SPTBN4: variants seen among roughly 807,000 people sequenced by gnomAD.
SPTBN4 encodes the protein spectrin beta, non-erythrocytic 4.
Under a neutral mutation model 277.8 loss-of-function variants are expected in SPTBN4, and 96 were observed. The observed-to-expected ratio is 0.35, with a 90% confidence interval of 0.29 to 0.41. The LOEUF (loss-of-function observed/expected upper bound fraction) is 0.41. Ranked by LOEUF, SPTBN4 falls within the 10% of genes least tolerant of loss-of-function variation. The pLI is 1.00. For missense variants in SPTBN4, 3,006 were observed against 3,595.7 expected (o/e 0.84, Z 4.19); for synonymous variants, 1,481 against 1,580.3 (o/e 0.94, Z 1.49).
intron 5 of SPTBN4, 25 bp downstream of exon 5, chr19:40,493,079 A>T (rs1252807980): frequency 6.2e-7 from 1 of 1,611,230 alleles, no homozygotes; most frequent in African/African-American, 1.3e-5. Flanking sequence ...CACCTTCCTT[A>T]GGAGGTTAGG....
intron 33 of SPTBN4, 139 bp from the exon 34 acceptor site, chr19:40,571,880 A>C (rs1437097425): frequency 3.3e-6 from 3 of 920,214 alleles, no homozygotes; most frequent in Non-Finnish European, 4.7e-6. Context: ...AGAGCATTTT[A>C]GGTCCAACTA....
At chr19:40,497,937 A>G in intron 7 of SPTBN4, among the ~76,000 whole-genome samples, 1 of 145,998 alleles carries the variant, frequency 6.8e-6, no homozygotes, top group Non-Finnish European at 1.5e-5. Context: ...CCACTAAACC[A>G]ACTCCCACTC....
rs146532855 is a variant in SPTBN4, at chr19:40,557,324, C to A, written c.5591C>A (p.Pro1864His). The A allele has an allele frequency of 5.9e-4, 946 of 1,613,206 alleles. 1 individual carries two copies. Among genetic ancestry groups the A allele is most frequent in the Non-Finnish European group, 7.7e-4 (906 of 1,179,742 alleles). The stretch of plus-strand genomic sequence containing the variant: ...CGGCTGCCCCGCCTGACCACCCCGC[C>A]TGAGCCGAGACCCAGTGCCAGTTCC... ...RRRLPRLTTP[P>H]EPRPSASSMQ... is the part of the protein sequence containing the mutation. The change falls in exon 26 of 36, where the codon CCT becomes CAT. Residue 1864 changes from proline (P) to histidine (H), a missense_variant. This residue lies in a region of SPTBN4 where 425 missense variants were observed against 594.7 expected (regional missense o/e 0.71). Transcript: ENST00000598249.
rs1599759690 is a variant in SPTBN4 at position 40,520,087 on chromosome 19, A to C, written c.3590A>C (p.Gln1197Pro). 6.7e-7 allele frequency: 1 copy of C among 1,493,388 alleles called. No individual in the cohort carries two copies. The highest frequency in any genetic ancestry group is 8.9e-7 in the Non-Finnish European group (1 of 1,125,440). The allele number at this position is 1,493,388 out of a possible 1,614,324, so 92.5% of individuals were successfully genotyped here. The change falls in exon 16 of 36, where the codon CAG (glutamine) becomes CCG (proline). Residue 1197 changes from glutamine to proline, a missense_variant. This residue lies in a region of SPTBN4 where 1,759 missense variants were observed against 2,061.5 expected (regional missense o/e 0.85). Transcript: ENST00000598249. ...GAGGCGCGCAGGGAGGCGCTGGTCCAGGCGCACATCTACCAGCTCTTCCTG... is the reference window on the plus strand; with the variant it reads ...GAGGCGCGCAGGGAGGCGCTGGTCCCGGCGCACATCTACCAGCTCTTCCTG... ...LWEARREALV[Q>P]AHIYQLFLRD...
intron 18 of SPTBN4, 99 bp from the exon 19 acceptor site, chr19:40,532,526 C>T: frequency 6.8e-7 from 1 of 1,469,206 alleles, no homozygotes. Flanking sequence ...ACCCATACAC[C>T]CTAGCAGCCC....
chr19:40,471,271 A>C (rs1156325251), intron 1 of SPTBN4, among the ~76,000 whole-genome samples: 1 of 152,076 alleles, frequency 6.6e-6, no homozygotes, highest in Admixed American at 6.6e-5. Context: ...TGAATCCTAG[A>C]TACTAACTGG....
chr19:40,505,753 AGAAAG>A (rs1568786557), intron 12 of SPTBN4, among the ~76,000 whole-genome samples: 5 of 150,770 alleles, frequency 3.3e-5, no homozygotes, highest in African/African-American at 1.2e-4. Flanking sequence ...GAAGGAAGGA[AGAAAG>A]AAAGGTGAAC....
intron 17 of SPTBN4, among the ~76,000 whole-genome samples, chr19:40,527,810 C>T (rs953568805): frequency 2.0e-5 from 3 of 152,172 alleles, no homozygotes; most frequent in Admixed American, 6.5e-5. Flanking sequence ...CATCCCAGCA[C>T]TTTGGGAGGC....
intron 13 of SPTBN4, 152 bp downstream of exon 13, chr19:40,506,538 G>A (rs2080332838): frequency 3.2e-6 from 4 of 1,242,168 alleles, no homozygotes; most frequent in Non-Finnish European, 3.2e-6. Flanking sequence ...CACTGGGGAA[G>A]TCATAGGGAG....
At chr19:40,571,992 G>A (rs368479671) in intron 33 of SPTBN4, 27 bp from the exon 34 acceptor site, 17 of 1,525,046 alleles carry the variant, frequency 1.1e-5, no homozygotes, top group Non-Finnish European at 1.5e-5. Flanking sequence ...CTGCGGCTCT[G>A]CCTTGAGCCC....
Position 40,575,664 on chromosome 19 carries a change from A to G in SPTBN4, c.*95A>G. On this transcript the variant is annotated 3_prime_UTR_variant, in exon 36 of 36. Transcript: ENST00000598249. ...TTCTTCCGCAGGGGCGGGAGCCCCT[A>G]GTTCCAACACTGAGGACGCGTGACA... is the stretch of plus-strand genomic sequence containing the variant. 7.1e-7 allele frequency: 1 copy of G among 1,415,992 alleles called. No individual in the cohort carries two copies. The highest frequency in any genetic ancestry group is 1.4e-5 in the South Asian group (1 of 71,550). 87.7% of individuals were successfully genotyped at this position (1,415,992 alleles called of 1,614,324 possible).
chr19:40,566,414 C>T, intron 30 of SPTBN4, 55 bp downstream of exon 30: 1 of 1,428,798 alleles, frequency 7.0e-7, no homozygotes, highest in South Asian at 1.4e-5. Flanking sequence ...ACCCCCACAC[C>T]CATGGCTCTA....
chr19:40,517,449 C>A (rs2080473828), intron 15 of SPTBN4, among the ~76,000 whole-genome samples: 1 of 152,178 alleles, frequency 6.6e-6, no homozygotes, highest in Admixed American at 6.6e-5. Flanking sequence ...ATGCACACCA[C>A]TGCACCCGGC....
chr19:40,504,889 T>C (rs926967218), intron 12 of SPTBN4, among the ~76,000 whole-genome samples: 5 of 150,952 alleles, frequency 3.3e-5, no homozygotes, highest in East Asian at 1.9e-4. Flanking sequence ...CATAGAGATA[T>C]AGAAACAGAG....
At position 40,566,233 on chromosome 19, in the gene SPTBN4, C is replaced by A. The variant is rs1269615413; in HGVS notation, c.6210C>A (p.Leu2070=). 1 of 1,558,946 alleles carries A rather than the reference C, an allele frequency of 6.4e-7. No homozygotes were observed. Among genetic ancestry groups the A allele is most frequent in the East Asian group, 2.4e-5 (1 of 41,960 alleles). Residue 2070 remains leucine, a synonymous_variant, in exon 30 of 36, where the codon CTC becomes CTA. Transcript: ENST00000598249. ...CCTGGCTGACAGCCCAGGAGCCGCT[C>A]CTGCAGAGCCGGGAGCTGGGCAGCA... ...ADAWLTAQEP[L]LQSRELGSSV...
intron 20 of SPTBN4, among the ~76,000 whole-genome samples, chr19:40,541,126 G>C (rs369429907): frequency 1.4e-4 from 21 of 152,132 alleles, no homozygotes; most frequent in East Asian, 9.6e-4. Flanking sequence ...GACCATCTTT[G>C]ACCTTCTTTT....
intron 26 of SPTBN4, among the ~76,000 whole-genome samples, chr19:40,559,535 G>C (rs1425830181): frequency 1.3e-5 from 2 of 152,116 alleles, no homozygotes; most frequent in Non-Finnish European, 2.9e-5. Context: ...CTGTAGTTCA[G>C]CTATTAGTAG....
chr19:40,496,231 C>A (rs1231649111), intron 6 of SPTBN4, among the ~76,000 whole-genome samples: 1 of 152,188 alleles, frequency 6.6e-6, no homozygotes, highest in Non-Finnish European at 1.5e-5. Context: ...CTCACTGCAA[C>A]CTCTGCTTCC....
At chr19:40,503,024 C>A in intron 11 of SPTBN4, 91 bp downstream of exon 11, 1 of 1,477,362 alleles carries the variant, frequency 6.8e-7, no homozygotes, top group South Asian at 1.3e-5. Flanking sequence ...ATCTTCTAGG[C>A]AACAGGGAAG....
Sources: allele counts gnomAD v4.1 joint callset (sites outside exome capture counted in the v4.1 genomes callset), GRCh38; gene constraint gnomAD v4.1.1; regional missense constraint gnomAD v4.1.1; transcripts MANE v1.5; gene names NCBI Gene and HGNC (gene_info 2026-07-23, HGNC 2026-07-21).